RANBP2: variants seen among roughly 807,000 people sequenced by gnomAD.
The protein encoded by RANBP2 is E3 SUMO-protein ligase RanBP2.
In RANBP2, 57 loss-of-function variants were observed where a neutral mutation model predicts 303.6. That is an observed-to-expected ratio of 0.19 (90% confidence interval 0.15 to 0.23). The LOEUF (loss-of-function observed/expected upper bound fraction) is 0.23, where lower values mean the gene tolerates loss of function less well. Among genes scored for constraint, RANBP2 ranks in the 10% least tolerant of loss-of-function variants. The pLI is 1.00. For missense variants in RANBP2, 3,138 were observed against 3,780.8 expected (o/e 0.83, Z 4.46); for synonymous variants, 1,167 against 1,301.5 (o/e 0.90, Z 2.23).
At position 108,772,868 on chromosome 2, in the gene RANBP2, A is replaced by G. The variant is rs931289854; in HGVS notation, c.8114A>G (p.Asp2705Gly). The G allele has an allele frequency of 3.1e-6, 5 of 1,613,566 alleles. No homozygotes were observed. Among genetic ancestry groups the G allele is most frequent in the East Asian group, 2.2e-5 (1 of 44,834 alleles). ...KCRPLEENTA[D>G]NEKECIIVWE... ...TGCTTGTGTTGTACTGATTTTTCAG[A>G]TAATGAGAAAGAATGTATTATTGTT... Residue 2705 changes from aspartate to glycine, a missense_variant and splice_region_variant, in exon 23 of 29, where the codon GAT becomes GGT. Asp to Gly is a moderately conservative substitution (Grantham distance 94, BLOSUM62 -1). Around this residue, in one of 20 missense-constraint regions of RANBP2, gnomAD observed 497 missense variants for 465.8 expected, o/e 1.07. Coordinates refer to ENST00000283195, the MANE Select transcript of RANBP2 (RefSeq NM_006267.5).
the RANBP2 span, among the ~76,000 whole-genome samples, chr2:109,437,399 A>G: frequency 6.6e-6 from 1 of 151,814 alleles, no homozygotes; most frequent in African/African-American, 2.4e-5. Flanking sequence ...TCTGATCTCC[A>G]GGAAGTTCAC....
intron 1 of RANBP2, chr2:108,720,012 C>T (rs1694100841): frequency 4.1e-6 from 4 of 985,308 alleles, no homozygotes; most frequent in South Asian, 4.7e-5. Flanking sequence ...GCCTAGTTCT[C>T]GGGGGCTTGG....
At chr2:109,466,984 CTG>C in the RANBP2 span, among the ~76,000 whole-genome samples, 2 of 152,068 alleles carry the variant, frequency 1.3e-5, no homozygotes, top group African/African-American at 4.8e-5. Flanking sequence ...TCTTCATACT[CTG>C]TGAAAGAGAG....
the RANBP2 span, among the ~76,000 whole-genome samples, chr2:109,421,119 TG>T: frequency 5.9e-5 from 9 of 152,006 alleles, no homozygotes; most frequent in African/African-American, 2.2e-4. Flanking sequence ...CATGGAAAAG[TG>T]GGGGGTGATG....
At chr2:109,705,968 G>C in the RANBP2 span, among the ~76,000 whole-genome samples, 2 of 152,174 alleles carry the variant, frequency 1.3e-5, no homozygotes, top group Admixed American at 6.5e-5. Flanking sequence ...GGTATCCCTA[G>C]TTGCTCCAGA....
the RANBP2 span, among the ~76,000 whole-genome samples, chr2:109,235,737 C>T: frequency 6.6e-6 from 1 of 152,216 alleles, no homozygotes; most frequent in Non-Finnish European, 1.5e-5. Context: ...GAAGTGTGAG[C>T]TCTGATGACA....
At chr2:109,500,635 T>C in the RANBP2 span, among the ~76,000 whole-genome samples, 18 of 152,178 alleles carry the variant, frequency 1.2e-4, no homozygotes, top group Admixed American at 1.3e-4. Context: ...AAAAATCTTA[T>C]GATTTTTGGA....
the RANBP2 span, chr2:109,585,332 C>A: frequency 7.1e-5 from 113 of 1,586,582 alleles, no homozygotes; most frequent in Admixed American, 1.8e-3. Flanking sequence ...CTGAAACACA[C>A]AAAGGTACAT....
chr2:109,301,964 C>A, the RANBP2 span, among the ~76,000 whole-genome samples: 1 of 152,352 alleles, frequency 6.6e-6, no homozygotes, highest in African/African-American at 2.4e-5. Flanking sequence ...TCCTGCATGT[C>A]TTCCTGGACC....
chr2:109,662,268 G>C, the RANBP2 span, among the ~76,000 whole-genome samples: 1 of 151,982 alleles, frequency 6.6e-6, no homozygotes, highest in Admixed American at 6.6e-5. Flanking sequence ...CACCTTCTCT[G>C]GTTCACCCTG....
chr2:109,731,688 C>T, the RANBP2 span, among the ~76,000 whole-genome samples: 8 of 152,112 alleles, frequency 5.3e-5, no homozygotes, highest in South Asian at 2.1e-4. Context: ...CCACTGCGCG[C>T]GGCCACCAGA....
At chr2:109,498,659 A>G in the RANBP2 span, among the ~76,000 whole-genome samples, 7 of 152,186 alleles carry the variant, frequency 4.6e-5, no homozygotes, top group Admixed American at 2.6e-4. Context: ...CCTAAGTAGT[A>G]TCAAGTAGGT....
At chr2:108,923,277 G>T in the RANBP2 span, 1 of 1,253,886 alleles carries the variant, frequency 8.0e-7, no homozygotes, top group Non-Finnish European at 1.2e-6. Context: ...CCTTGTCCAG[G>T]TGCCAGGACC....
chr2:108,993,900 G>A, the RANBP2 span, among the ~76,000 whole-genome samples: 1 of 152,118 alleles, frequency 6.6e-6, no homozygotes, highest in Non-Finnish European at 1.5e-5. Flanking sequence ...CGAGATCAAG[G>A]TGCCCAGCAG....
chr2:108,943,230 C>A, the RANBP2 span, among the ~76,000 whole-genome samples: 68 of 152,272 alleles, frequency 4.5e-4, no homozygotes, highest in African/African-American at 1.6e-3. Context: ...TTGAGAAGGG[C>A]AAGCTCAGCA....
chr2:109,167,206 A>G, the RANBP2 span, among the ~76,000 whole-genome samples: 1 of 152,236 alleles, frequency 6.6e-6, no homozygotes, highest in Non-Finnish European at 1.5e-5. Flanking sequence ...ATATTTTTAA[A>G]AAGGATGATG....
the RANBP2 span, among the ~76,000 whole-genome samples, chr2:109,521,549 G>GC: frequency 6.6e-6 from 1 of 152,224 alleles, no homozygotes; most frequent in Non-Finnish European, 1.5e-5. Context: ...ACACGGAGCT[G>GC]GCACTCAGTG....
chr2:108,758,657 A>G lies in RANBP2; in HGVS notation c.2602+109A>G, dbSNP rs1676505671. 2.3e-5 allele frequency: 36 copies of G among 1,570,020 alleles called. No homozygotes were observed. The South Asian group carries it at 3.5e-4, about 15-fold the overall frequency. On this transcript the variant is annotated intron_variant, in intron 18 of 28. Coordinates refer to ENST00000283195, the MANE Select transcript of RANBP2 (RefSeq NM_006267.5). ...TGTTTATATATGTTTGTTAATATAC[A>G]TGTCAACGTCTGTTTATATGTGACT...
chr2:109,187,139 A>C, the RANBP2 span, among the ~76,000 whole-genome samples: 2 of 149,706 alleles, frequency 1.3e-5, no homozygotes, highest in African/African-American at 2.4e-5. Flanking sequence ...GGGACACAGG[A>C]CTCTGTCCCC....
Sources: allele counts gnomAD v4.1 joint callset (sites outside exome capture counted in the v4.1 genomes callset), GRCh38; gene constraint gnomAD v4.1.1; regional missense constraint gnomAD v4.1.1; transcripts MANE v1.5; gene names NCBI Gene and HGNC (gene_info 2026-07-23, HGNC 2026-07-21).